TMEM245: variants seen among roughly 807,000 people sequenced by gnomAD.
TMEM245 encodes protein CG-2.
Under a neutral mutation model 101.2 loss-of-function variants are expected in TMEM245, and 69 were observed. The ratio of observed to expected loss-of-function variants is 0.68; its 90% CI spans 0.56 to 0.83. The LOEUF (loss-of-function observed/expected upper bound fraction) is 0.83. Ranked by LOEUF, TMEM245 falls within the 40% of genes least tolerant of loss-of-function variation. TMEM245 has a pLI of 0.00. For synonymous variants in TMEM245, 537 were observed against 449.8 expected, an observed-to-expected ratio of 1.19 and a Z score of -2.45; for missense variants, 1,075 against 1,092.8, an observed-to-expected ratio of 0.98 and a Z score of 0.23.
intron 9 of TMEM245, among the ~76,000 whole-genome samples, chr9:109,072,553 C>T (rs1039174093): frequency 7.2e-5 from 11 of 152,340 alleles, no homozygotes; most frequent in South Asian, 2.1e-4. Flanking sequence ...AACTCTTAAC[C>T]TGTACCTGTC....
chr9:109,025,829 G>A (rs1404482749), intron 17 of TMEM245, among the ~76,000 whole-genome samples: 3 of 152,200 alleles, frequency 2.0e-5, no homozygotes, highest in African/African-American at 7.2e-5. Flanking sequence ...TTCAGCAGAG[G>A]CCAAAATAGT....
rs1396572497 is a variant in TMEM245 at position 109,019,667 on chromosome 9, G to A, written c.*793C>T. On this transcript the variant is annotated 3_prime_UTR_variant, in exon 18 of 18. Coordinates refer to ENST00000374586, the MANE Select transcript of TMEM245 (RefSeq NM_032012.4). ...CAAATCAGAGTATTGCTACACCTGAGATTTTTCACTTCAACCACCTGGAAG... is the reference window on the plus strand; with the variant it reads ...CAAATCAGAGTATTGCTACACCTGAAATTTTTCACTTCAACCACCTGGAAG... 1 of 152,518 alleles carries A rather than the reference G, an allele frequency of 6.6e-6. No individual in the cohort carries two copies. Among genetic ancestry groups the A allele is most frequent in the Non-Finnish European group, 1.5e-5 (1 of 68,026 alleles). 9.4% of individuals were successfully genotyped at this position (152,518 alleles called of 1,614,324 possible). A position where few individuals can be genotyped will look rare whatever the true frequency, so the allele number is the denominator to read the frequency against.
At chr9:109,105,778 G>GTT (rs879735834) in intron 3 of TMEM245, among the ~76,000 whole-genome samples, 1 of 147,502 alleles carries the variant, frequency 6.8e-6, no homozygotes, top group Non-Finnish European at 1.5e-5. Context: ...TTGTATGCCT[G>GTT]TTTTTTTTTT....
intron 17 of TMEM245, 51 bp from the exon 18 acceptor site, chr9:109,020,556 C>G: frequency 6.5e-7 from 1 of 1,528,602 alleles, no homozygotes; most frequent in Non-Finnish European, 9.0e-7. Context: ...AAACAGTATC[C>G]TATTTTTACA....
chr9:109,045,728 T>A (rs1047151298), intron 14 of TMEM245, among the ~76,000 whole-genome samples: 4 of 152,226 alleles, frequency 2.6e-5, no homozygotes, highest in African/African-American at 9.6e-5. Context: ...GTAATTTACC[T>A]TGGAAACTTA....
intron 8 of TMEM245, among the ~76,000 whole-genome samples, chr9:109,076,604 C>CA (rs773813716): frequency 2.0e-4 from 30 of 150,650 alleles, no homozygotes; most frequent in South Asian, 1.5e-3. Flanking sequence ...CCTTCCCCGC[C>CA]AAAAAAAAAG....
At chr9:109,065,485 C>G (rs1248501878) in intron 9 of TMEM245, among the ~76,000 whole-genome samples, 1 of 152,116 alleles carries the variant, frequency 6.6e-6, no homozygotes, top group Non-Finnish European at 1.5e-5. Context: ...TCATTATCCT[C>G]AAGTTGGTTA....
At chr9:109,093,927 G>C (rs1830072768) in intron 3 of TMEM245, among the ~76,000 whole-genome samples, 1 of 152,132 alleles carries the variant, frequency 6.6e-6, no homozygotes, top group African/African-American at 2.4e-5. Context: ...ACCACATCAA[G>C]TCTGTGAGCT....
rs1827538317 is a variant in TMEM245 at position 109,018,990 on chromosome 9, C to T, written c.*1470G>A. Reference sequence around the variant, plus strand: ...AAATCCCTGGGCTCAAGCAATCCACCCACCTCAGCCTTCCAAAGTGCTGGG... The same window carrying T: ...AAATCCCTGGGCTCAAGCAATCCACTCACCTCAGCCTTCCAAAGTGCTGGG... On this transcript the variant is annotated 3_prime_UTR_variant, in exon 18 of 18. Transcript: ENST00000374586. The T allele has an allele frequency of 6.7e-6, 1 of 150,208 alleles. No individual in the cohort carries two copies. The highest frequency in any genetic ancestry group is 2.1e-4 in the South Asian group (1 of 4,694). 9.3% of individuals were successfully genotyped at this position (150,208 alleles called of 1,614,324 possible). A position where few individuals can be genotyped will look rare whatever the true frequency, so the allele number is the denominator to read the frequency against.
At position 109,050,740 on chromosome 9, in the gene TMEM245, A is replaced by C. The variant is rs201213326; in HGVS notation, c.1855-48T>G. On this transcript the variant is annotated intron_variant, in intron 12 of 17. Transcript: ENST00000374586. ...TATCAGAACCAATCCTCATGAAAAA[A>C]GTTTCTAGAGCCATCTAGTGTGCTT... 2,749 of 1,608,816 alleles carry C rather than the reference A, an allele frequency of 1.7e-3. 53 individuals are homozygous for C. The South Asian group carries it at 0.027, about 16-fold the overall frequency.
chr9:109,080,795 C>T (rs1453162580), intron 8 of TMEM245, 44 bp downstream of exon 8: 1 of 1,233,598 alleles, frequency 8.1e-7, no homozygotes, highest in Non-Finnish European at 1.2e-6. Context: ...ACAATTCTAA[C>T]AATTAAGGGT....
At chr9:109,076,655 T>G (rs1225127039) in intron 8 of TMEM245, among the ~76,000 whole-genome samples, 1 of 152,180 alleles carries the variant, frequency 6.6e-6, no homozygotes, top group Non-Finnish European at 1.5e-5. Context: ...TTCCCTAAAT[T>G]TCTGTTACTG....
intron 3 of TMEM245, among the ~76,000 whole-genome samples, chr9:109,105,732 T>A (rs1830393634): frequency 6.6e-6 from 1 of 152,068 alleles, no homozygotes; most frequent in Non-Finnish European, 1.5e-5. Flanking sequence ...GTCTTGGAAC[T>A]AGATACAGGT....
chr9:109,058,295 C>T (rs1349491838), intron 11 of TMEM245, among the ~76,000 whole-genome samples: 12 of 152,032 alleles, frequency 7.9e-5, no homozygotes, highest in African/African-American at 2.7e-4. Context: ...TGAGCCACCA[C>T]GCCCAGCCCT....
intron 1 of TMEM245, among the ~76,000 whole-genome samples, chr9:109,113,527 A>G (rs1830629514): frequency 6.6e-6 from 1 of 152,228 alleles, no homozygotes; most frequent in Non-Finnish European, 1.5e-5. Flanking sequence ...GACACTACAT[A>G]AGACTGCATA....
chr9:109,022,406 T>A (rs886224850), intron 17 of TMEM245, among the ~76,000 whole-genome samples: 3 of 152,230 alleles, frequency 2.0e-5, no homozygotes, highest in Non-Finnish European at 4.4e-5. Flanking sequence ...TAAAGACTTT[T>A]ATGTTCTGAA....
At chr9:109,112,279 A>T (rs1830586306) in intron 1 of TMEM245, among the ~76,000 whole-genome samples, 1 of 152,172 alleles carries the variant, frequency 6.6e-6, no homozygotes, top group Non-Finnish European at 1.5e-5. Context: ...AGTGGCTCAC[A>T]CCTGTAATCC....
intron 12 of TMEM245, among the ~76,000 whole-genome samples, chr9:109,055,545 A>G (rs7030486): frequency 0.019 from 2,934 of 152,340 alleles, 98 homozygotes; most frequent in African/African-American, 0.066. Flanking sequence ...ATATTCTCAA[A>G]TAAGTAAAAA....
At chr9:109,061,188 T>A (rs528925986) in intron 10 of TMEM245, among the ~76,000 whole-genome samples, 73 of 152,268 alleles carry the variant, frequency 4.8e-4, no homozygotes, top group Middle Eastern at 3.4e-3. Context: ...TGGTGGCGCA[T>A]GCCTGCAGTC....
Sources: gnomAD v4.1 joint callset for allele counts (sites outside exome capture counted in the v4.1 genomes callset) on GRCh38, gnomAD v4.1.1 for gene constraint, MANE v1.5 for transcripts, NCBI Gene and HGNC (gene_info 2026-07-23, HGNC 2026-07-21) for gene names.